PCDHA8: variants seen among roughly 807,000 people sequenced by gnomAD.
PCDHA8 encodes protocadherin alpha 8.
PCDHA8 carries 53 observed loss-of-function variants against 61.8 expected under a neutral mutation model. The observed-to-expected ratio is 0.86, with a 90% CI of 0.69 to 1.08. PCDHA8 has a LOEUF of 1.08. PCDHA8 is among the 50% of genes least tolerant of loss of function. PCDHA8 has a pLI of 0.00. For missense variants in PCDHA8, 1,293 were observed against 1,245.0 expected (o/e 1.04, Z -0.58); for synonymous variants, 618 against 556.6 (o/e 1.11, Z -1.55).
chr5:140,855,626 T>C (rs1554147868), intron 1 of PCDHA8, among the ~76,000 whole-genome samples: 1 of 149,872 alleles, frequency 6.7e-6, no homozygotes, highest in Non-Finnish European at 1.5e-5. Context: ...CATTTTGAAA[T>C]TCGGCTATTG....
chr5:140,929,033 G>A (rs2085746479), intron 1 of PCDHA8: 1 of 1,614,186 alleles, frequency 6.2e-7, no homozygotes, highest in Non-Finnish European at 8.5e-7. Flanking sequence ...CCAGGCTGTT[G>A]CGCTCAGAGC....
chr5:140,850,087 TAC>T (rs2041337151), intron 1 of PCDHA8: 1 of 1,596,398 alleles, frequency 6.3e-7, no homozygotes, highest in African/African-American at 1.3e-5. Context: ...CTGGAGCTGC[TAC>T]AGTTCCAGGT....
chr5:140,864,909 A>G (rs1046704709), intron 1 of PCDHA8: 1 of 152,160 alleles, frequency 6.6e-6, no homozygotes, highest in Non-Finnish European at 1.5e-5. Flanking sequence ...TCAGAATGGC[A>G]TTGCTGAGCT....
At chr5:140,857,904 T>C in intron 1 of PCDHA8, 2 of 1,597,710 alleles carry the variant, frequency 1.3e-6, no homozygotes, top group South Asian at 1.1e-5. Context: ...GGTGCACGCA[T>C]CCCGTTTCGC....
At position 140,870,595 on chromosome 5, in the gene PCDHA8, T is replaced by G. The variant is rs573002634; in HGVS notation, c.2394+26880T>G. ...GTCCTACTCGCTGGTGGAGCGGCGG[T>G]TGGGCGACCGCGCGCTGTCGAGCTA... On this transcript the variant is annotated intron_variant, in intron 1 of 3. Transcript: ENST00000531613. The G allele has an allele frequency of 8.9e-5, 144 of 1,613,242 alleles. No homozygotes were observed. The South Asian group carries it at 9.4e-4, about 11-fold the overall frequency.
chr5:140,873,889 G>T (rs1373623503), intron 1 of PCDHA8, among the ~76,000 whole-genome samples: 2 of 152,182 alleles, frequency 1.3e-5, no homozygotes, highest in South Asian at 4.1e-4. Context: ...TTGAACTCCT[G>T]ACCTCAGGTG....
At chr5:140,965,239 G>C (rs7722865) in intron 1 of PCDHA8, among the ~76,000 whole-genome samples, 9,112 of 152,230 alleles carry the variant, frequency 0.06, 825 homozygotes, top group African/African-American at 0.2. Context: ...CCTGGGAAGA[G>C]TGAATATTCA....
At chr5:140,850,679 C>A in intron 1 of PCDHA8, 1 of 1,598,496 alleles carries the variant, frequency 6.3e-7, no homozygotes, top group Non-Finnish European at 8.6e-7. Flanking sequence ...CGATGCCCAC[C>A]GAGGGCGAGT....
chr5:140,876,936 G>T, intron 1 of PCDHA8: 1 of 1,613,730 alleles, frequency 6.2e-7, no homozygotes, highest in South Asian at 1.1e-5. Flanking sequence ...AGAAGAACGC[G>T]CTGGTGTCCT....
chr5:140,842,864 G>C lies in PCDHA8; in HGVS notation c.1543G>C (p.Gly515Arg), dbSNP rs1554139478. 1.3e-6 allele frequency: 2 copies of C among 1,593,918 alleles called. No individual in the cohort carries two copies. Among genetic ancestry groups the C allele is most frequent in the Non-Finnish European group, 1.7e-6 (2 of 1,165,424 alleles). The stretch of plus-strand genomic sequence containing the variant: ...CTACATTTCGGTGCACACGGAGAGC[G>C]GCAAGGTGTACGCGCTGCAGCCGCT... ...SSYISVHTES[G>R]KVYALQPLDH... is the part of the protein sequence containing the mutation. Residue 515 changes from glycine to arginine, a missense_variant, in exon 1 of 4, where the codon GGC becomes CGC. Physicochemically the swap from Gly to Arg is moderately radical, Grantham distance 125. Coordinates refer to ENST00000531613, the MANE Select transcript of PCDHA8 (RefSeq NM_018911.3).
chr5:140,883,691 T>C (rs2059755439), intron 1 of PCDHA8: 2 of 1,613,592 alleles, frequency 1.2e-6, no homozygotes, highest in African/African-American at 2.7e-5. Flanking sequence ...CTGCCACATC[T>C]TCACGGTGTC....
At chr5:140,959,883 C>T (rs535578218) in intron 1 of PCDHA8, among the ~76,000 whole-genome samples, 4 of 152,222 alleles carry the variant, frequency 2.6e-5, no homozygotes, top group South Asian at 2.1e-4. Flanking sequence ...AAGGAATACA[C>T]GAGTGGGATT....
At chr5:140,925,052 A>G (rs1221049582) in intron 1 of PCDHA8, among the ~76,000 whole-genome samples, 1 of 151,720 alleles carries the variant, frequency 6.6e-6, no homozygotes, top group African/African-American at 2.4e-5. Context: ...TTGAGACCAG[A>G]CTGGGCAACA....
At chr5:140,875,292 T>A in intron 1 of PCDHA8, 1 of 1,401,900 alleles carries the variant, frequency 7.1e-7, no homozygotes, top group Non-Finnish European at 9.3e-7. Flanking sequence ...ACAGGAAAAT[T>A]TTTTTCTCCG....
chr5:140,982,612 C>T, intron 3 of PCDHA8, 49 bp downstream of exon 3: 2 of 1,599,360 alleles, frequency 1.3e-6, no homozygotes, highest in Non-Finnish European at 1.7e-6. Context: ...GGAAAGTGAT[C>T]AGATGACCTA....
chr5:140,953,093 A>T (rs2153698233), intron 1 of PCDHA8, among the ~76,000 whole-genome samples: 1 of 152,346 alleles, frequency 6.6e-6, no homozygotes, highest in East Asian at 1.9e-4. Flanking sequence ...TTACAATTTG[A>T]CATGAGATTT....
chr5:140,910,519 G>A (rs187918127), intron 1 of PCDHA8, among the ~76,000 whole-genome samples: 18 of 152,218 alleles, frequency 1.2e-4, no homozygotes, highest in Non-Finnish European at 2.5e-4. Context: ...AAGGATGCAG[G>A]TACTCCCCTC....
Position 140,850,525 on chromosome 5 carries a change from A to G in PCDHA8, c.2394+6810A>G, listed in dbSNP as rs2041657187. Reference sequence around the variant, plus strand: ...CTGGTGGAGAGCGGCCAGGCGCCAAAGTCATCGTCGCGGGCGTCAGTGGGT... The same window carrying G: ...CTGGTGGAGAGCGGCCAGGCGCCAAGGTCATCGTCGCGGGCGTCAGTGGGT... On this transcript the variant is annotated intron_variant, in intron 1 of 3. Transcript: ENST00000531613. 5.6e-6 allele frequency: 9 copies of G among 1,598,066 alleles called. 2 individuals are homozygous for G. Among genetic ancestry groups the G allele is most frequent in the African/African-American group, 1.3e-5 (1 of 74,316 alleles).
At chr5:140,866,764 G>A (rs2049554706) in intron 1 of PCDHA8, 1 of 152,110 alleles carries the variant, frequency 6.6e-6, no homozygotes, top group Non-Finnish European at 1.5e-5. Flanking sequence ...GGACATACAG[G>A]CAGATTGTAT....
Sources: allele counts gnomAD v4.1 joint callset (sites outside exome capture counted in the v4.1 genomes callset), GRCh38; gene constraint gnomAD v4.1.1; transcripts MANE v1.5; gene names NCBI Gene and HGNC (gene_info 2026-07-23, HGNC 2026-07-21).